DNAJC7: variants seen among roughly 807,000 people sequenced by gnomAD.
The protein encoded by DNAJC7 is dnaJ homolog subfamily C member 7.
A neutral mutation model predicts 67.4 loss-of-function variants in DNAJC7; 18 were observed. The observed-to-expected ratio is 0.27, with a 90% confidence interval of 0.18 to 0.40. The LOEUF is 0.40. Among genes scored for constraint, DNAJC7 ranks in the 10% least tolerant of loss-of-function variants. DNAJC7 has a pLI of 1.00. For missense variants in DNAJC7, 419 were observed against 613.8 expected (o/e 0.68, Z 3.35); for synonymous variants, 220 against 207.8 (o/e 1.06, Z -0.50).
intron 4 of DNAJC7, 122 bp downstream of exon 4, chr17:41,996,189 A>C (rs1029430236): frequency 3.7e-5 from 34 of 911,844 alleles, no homozygotes; most frequent in Non-Finnish European, 2.2e-5. Context: ...AAACTCGCCT[A>C]AAGTCACCCA....
chr17:41,983,127 T>A (rs2051292920), intron 10 of DNAJC7, among the ~76,000 whole-genome samples: 1 of 151,948 alleles, frequency 6.6e-6, no homozygotes. Context: ...TTTTTCTTTT[T>A]TTTGTTTTTG....
chr17:42,005,309 A>C lies in DNAJC7; in HGVS notation c.78-4739T>G, dbSNP rs77446643. Among the ~76,000 whole-genome samples, 915 of 152,300 alleles carry C rather than the reference A, an allele frequency of 6.0e-3. 6 individuals carry two copies. The highest frequency in any genetic ancestry group is 0.021 in the African/African-American group (882 of 41,570). On this transcript the variant is annotated intron_variant, in intron 1 of 13. Transcript: ENST00000457167. The stretch of plus-strand genomic sequence containing the variant: ...CACATTTACAGCTCAACTAAATTAA[A>C]AACACATTAAAACATCATAGTTGAC...
In DNAJC7 at chr17:42,005,195, A is replaced by G. The variant is rs75140879; in HGVS notation, c.78-4625T>C. On this transcript the variant is annotated intron_variant, in intron 1 of 13. Coordinates refer to ENST00000457167, the MANE Select transcript of DNAJC7 (RefSeq NM_003315.4). ...TTACTCCAACAAACACTGCTAAGGG[A>G]ATCATTTGGTATCACACAGGTCTTA... 3.9e-3 allele frequency among the ~76,000 whole-genome samples: 591 copies of G among 152,324 alleles called. 1 individual carries two copies. The highest frequency in any genetic ancestry group is 6.1e-3 in the Non-Finnish European group (414 of 68,036).
chr17:41,993,294 C>A (rs1229264994), intron 5 of DNAJC7, among the ~76,000 whole-genome samples: 1 of 152,058 alleles, frequency 6.6e-6, no homozygotes. Flanking sequence ...CCTGTCTCTA[C>A]TAAAAACACA....
chr17:41,996,297 G>C lies in DNAJC7; in HGVS notation c.405+14C>G. 1 of 1,612,304 alleles carries C rather than the reference G, an allele frequency of 6.2e-7. No homozygotes were observed. The highest frequency in any genetic ancestry group is 8.5e-7 in the Non-Finnish European group (1 of 1,179,136). On this transcript the variant is annotated intron_variant, in intron 4 of 13. Coordinates refer to ENST00000457167, the MANE Select transcript of DNAJC7 (RefSeq NM_003315.4). The stretch of plus-strand genomic sequence containing the variant: ...ATACTGCCTCTTTTGACAGAAACAG[G>C]ATCAGACCCGTACCTCTTGTTGTGC...
At chr17:41,997,000 A>G (rs986421945) in intron 3 of DNAJC7, 115 bp downstream of exon 3, 2 of 1,516,944 alleles carry the variant, frequency 1.3e-6, no homozygotes, top group African/African-American at 1.4e-5. Context: ...AGTCCCCCAC[A>G]ACAAAGAATA....
chr17:42,006,705 G>A (rs1283713826), intron 1 of DNAJC7, among the ~76,000 whole-genome samples: 1 of 140,414 alleles, frequency 7.1e-6, no homozygotes, highest in Non-Finnish European at 1.5e-5. Flanking sequence ...GCTGATGCAG[G>A]AGAATCCCTT....
chr17:41,996,784 A>G (rs1478127487), intron 3 of DNAJC7, among the ~76,000 whole-genome samples: 3 of 152,234 alleles, frequency 2.0e-5, no homozygotes, highest in Admixed American at 1.3e-4. Context: ...CTCCATCTCA[A>G]AAACAAAAAC....
At chr17:41,981,141 C>T (rs1241572113) in intron 12 of DNAJC7, among the ~76,000 whole-genome samples, 2 of 152,118 alleles carry the variant, frequency 1.3e-5, no homozygotes, top group Non-Finnish European at 2.9e-5. Flanking sequence ...GTTCAAGTAG[C>T]TGGGATTACA....
At chr17:41,985,901 T>A (rs1555646692) in intron 9 of DNAJC7, 1 of 152,146 alleles carries the variant, frequency 6.6e-6, no homozygotes, top group African/African-American at 2.4e-5. Flanking sequence ...GAAGGGCAGT[T>A]CTGTTTCTAC....
chr17:42,006,796 CAA>C (rs57155070), intron 1 of DNAJC7, among the ~76,000 whole-genome samples: 1 of 23,318 alleles, frequency 4.3e-5, no homozygotes, highest in African/African-American at 2.1e-4. Flanking sequence ...GACTCCGTCT[CAA>C]AAAAAAAAAA....
rs1555646187 is a variant in DNAJC7, at chr17:41,982,743, G to A, written c.1085-342C>T. ...TCAAGCTTGACAGAATGGATCACCCGAGGTCAGGAGTTCGGGACTAGCCTG... is the reference window on the plus strand; with the variant it reads ...TCAAGCTTGACAGAATGGATCACCCAAGGTCAGGAGTTCGGGACTAGCCTG... On this transcript the variant is annotated intron_variant, in intron 10 of 13. Transcript: ENST00000457167. 3.3e-5 allele frequency among the ~76,000 whole-genome samples: 5 copies of A among 152,246 alleles called. No homozygotes were observed. In the South Asian group the frequency reaches 6.2e-4, roughly 19 times the overall value.
chr17:41,988,637 C>T, intron 8 of DNAJC7, 95 bp downstream of exon 8: 1 of 1,383,520 alleles, frequency 7.2e-7, no homozygotes, highest in Non-Finnish European at 9.6e-7. Flanking sequence ...TTCCCTCTTT[C>T]ATCTTGCTTA....
intron 12 of DNAJC7, chr17:41,977,624 A>C (rs538772540): frequency 2.2e-5 from 6 of 271,982 alleles, no homozygotes; most frequent in Admixed American, 1.0e-4. Flanking sequence ...TGCCATTTGC[A>C]CTTACACAAG....
Position 42,000,666 on chromosome 17 carries a change from A to G in DNAJC7, c.78-96T>C, listed in dbSNP as rs1466609070. 8.0e-6 allele frequency: 7 copies of G among 873,756 alleles called. No homozygotes were observed. The East Asian group carries it at 1.6e-4, about 19-fold the overall frequency. 54.1% of individuals were successfully genotyped at this position (873,756 alleles called of 1,614,324 possible). A position where few individuals can be genotyped will look rare whatever the true frequency, so the allele number is the denominator to read the frequency against. On this transcript the variant is annotated intron_variant, in intron 1 of 13. Transcript: ENST00000457167. Reference sequence around the variant, plus strand: ...ATCTTTGGTCTAGAGCCCGCAGCACACTGAGCTGAAAGTTAGTGTGATACT... The same window carrying G: ...ATCTTTGGTCTAGAGCCCGCAGCACGCTGAGCTGAAAGTTAGTGTGATACT...
At chr17:41,999,102 G>A (rs2051737798) in intron 2 of DNAJC7, among the ~76,000 whole-genome samples, 1 of 150,364 alleles carries the variant, frequency 6.7e-6, no homozygotes, top group Non-Finnish European at 1.5e-5. Flanking sequence ...TTTTTTTTGA[G>A]ACGGAGATTC....
intron 4 of DNAJC7, 154 bp from the exon 5 acceptor site, chr17:41,995,098 T>C: frequency 1.4e-6 from 1 of 693,264 alleles, no homozygotes. Flanking sequence ...CCTCCTGTTG[T>C]GAATGGCCAT....
intron 13 of DNAJC7, 155 bp from the exon 14 acceptor site, chr17:41,976,925 A>C: frequency 1.1e-6 from 1 of 878,370 alleles, no homozygotes; most frequent in Non-Finnish European, 1.7e-6. Flanking sequence ...TTTGGGTGCA[A>C]GAGGGAGCAC....
Position 41,985,495 on chromosome 17 carries a change from T to C in DNAJC7, c.1011-1859A>G, listed in dbSNP as rs1224158600. ...TGATGTGACAAATGATTAACCCTGATGAACTTTCTTTAGGTCTATATGTAA... is the reference window on the plus strand; with the variant it reads ...TGATGTGACAAATGATTAACCCTGACGAACTTTCTTTAGGTCTATATGTAA... On this transcript the variant is annotated intron_variant, in intron 9 of 13. Transcript: ENST00000457167. 7 of 152,086 alleles carry C rather than the reference T, an allele frequency of 4.6e-5. No homozygotes were observed. The East Asian group carries it at 1.2e-3, about 25-fold the overall frequency. 9.4% of individuals were successfully genotyped at this position (152,086 alleles called of 1,614,324 possible).
Sources: gnomAD v4.1 joint callset for allele counts (sites outside exome capture counted in the v4.1 genomes callset) on GRCh38, gnomAD v4.1.1 for gene constraint, MANE v1.5 for transcripts, NCBI Gene and HGNC (gene_info 2026-07-23, HGNC 2026-07-21) for gene names.